ESRRG: variants seen among roughly 807,000 people sequenced by gnomAD.
ESRRG encodes the protein estrogen related receptor gamma.
Under a neutral mutation model 44.0 loss-of-function variants are expected in ESRRG, and 13 were observed. That is an observed-to-expected ratio of 0.30 (90% CI 0.19 to 0.47). The LOEUF (loss-of-function observed/expected upper bound fraction) is 0.47. Ranked by LOEUF, ESRRG falls within the 20% of genes least tolerant of loss-of-function variation. The probability of loss-of-function intolerance (pLI) is 1.00; values close to 1 mark genes in which losing one functional copy is unlikely to be tolerated. For synonymous variants in ESRRG, 215 were observed against 214.6 expected (o/e 1.00, Z -0.02); for missense variants, 395 against 580.6 (o/e 0.68, Z 3.29).
intron 2 of ESRRG, among the ~76,000 whole-genome samples, chr1:216,740,399 G>T (rs1208966444): frequency 1.3e-5 from 2 of 152,002 alleles, no homozygotes; most frequent in African/African-American, 2.4e-5. Flanking sequence ...CTAATTAAAT[G>T]CCCTTACACA....
At chr1:216,981,339 G>A (rs553507218) in intron 1 of ESRRG, among the ~76,000 whole-genome samples, 15 of 152,228 alleles carry the variant, frequency 9.9e-5, no homozygotes, top group African/African-American at 2.9e-4. Context: ...CAAGAGTACC[G>A]GCTTTGGAGT....
intron 2 of ESRRG, among the ~76,000 whole-genome samples, chr1:216,737,971 A>G (rs992596579): frequency 1.3e-5 from 2 of 149,282 alleles, no homozygotes; most frequent in African/African-American, 4.9e-5. Context: ...CCAGACCTTC[A>G]CTAGTTCTGC....
At chr1:216,545,862 G>T (rs1298445349) in intron 5 of ESRRG, among the ~76,000 whole-genome samples, 1 of 151,766 alleles carries the variant, frequency 6.6e-6, no homozygotes, top group African/African-American at 2.4e-5. Context: ...TGTACTGCTC[G>T]GTCACAGAGT....
chr1:216,818,113 A>G (rs1167619614), intron 2 of ESRRG, among the ~76,000 whole-genome samples: 1 of 152,248 alleles, frequency 6.6e-6, no homozygotes, highest in Non-Finnish European at 1.5e-5. Context: ...TAGCATTTTT[A>G]AACAACAAAA....
intron 1 of ESRRG, among the ~76,000 whole-genome samples, chr1:216,700,313 A>G (rs2081146653): frequency 6.6e-6 from 1 of 152,188 alleles, no homozygotes; most frequent in African/African-American, 2.4e-5. Context: ...ATTATCACAC[A>G]TTCAGCAAAT....
chr1:216,729,772 T>C (rs2088337612), intron 2 of ESRRG, among the ~76,000 whole-genome samples: 1 of 152,180 alleles, frequency 6.6e-6, no homozygotes, highest in African/African-American at 2.4e-5. Flanking sequence ...CACATCCCTC[T>C]ACTCTAGCAG....
At position 216,930,375 on chromosome 1, in the gene ESRRG, C is replaced by G. The variant is rs188075057; in HGVS notation, c.-14+9207G>C. On this transcript the variant is annotated intron_variant, in intron 2 of 7. Transcript: ENST00000359162. The stretch of plus-strand genomic sequence containing the variant: ...TCCATTTATTCATCCCCTGAGCATT[C>G]CCCAGCTCACTTCCTTCTGAGGTTT... Among the ~76,000 whole-genome samples the G allele has an allele frequency of 4.6e-5, 7 of 152,282 alleles. No individual in the cohort carries two copies. The East Asian group carries it at 1.4e-3, about 30-fold the overall frequency.
intron 2 of ESRRG, among the ~76,000 whole-genome samples, chr1:216,760,977 C>T (rs187072076): frequency 9.9e-5 from 15 of 152,064 alleles, no homozygotes; most frequent in East Asian, 7.8e-4. Flanking sequence ...GCAAGTCTCT[C>T]GTTTGCTCAG....
Position 216,632,366 on chromosome 1 carries a change from G to A in ESRRG, c.589+18607C>T, listed in dbSNP as rs757600986. On this transcript the variant is annotated intron_variant, in intron 3 of 6. Transcript: ENST00000408911. ...GCTATTCATAAGCAAGAAAACAACC[G>A]TAATTTTCATTCTTCCAATTTCAAG... 2.4e-4 allele frequency among the ~76,000 whole-genome samples: 37 copies of A among 152,036 alleles called. 1 individual carries two copies. The highest frequency in any genetic ancestry group is 2.1e-4 in the South Asian group (1 of 4,828).
At chr1:216,644,650 T>C (rs1295155041) in intron 3 of ESRRG, among the ~76,000 whole-genome samples, 1 of 151,654 alleles carries the variant, frequency 6.6e-6, no homozygotes, top group East Asian at 1.9e-4. Context: ...TTGCCCAGGC[T>C]GGTCTCAAAC....
At chr1:217,105,593 C>A (rs2092582030) in intron 1 of ESRRG, among the ~76,000 whole-genome samples, 1 of 152,172 alleles carries the variant, frequency 6.6e-6, no homozygotes, top group African/African-American at 2.4e-5. Flanking sequence ...GACTCCCTGG[C>A]TGGCTGGAAT....
At position 216,700,191 on chromosome 1, in the gene ESRRG, T is replaced by C. The variant is rs566010323; in HGVS notation, c.57-22700A>G. Reference sequence around the variant, plus strand: ...TATTAAGCGGGGAGTCTTGCAAAGTTGTTGCTTTTAAAGAGGGAAGTCTGA... The same window carrying C: ...TATTAAGCGGGGAGTCTTGCAAAGTCGTTGCTTTTAAAGAGGGAAGTCTGA... On this transcript the variant is annotated intron_variant, in intron 1 of 6. Coordinates refer to ENST00000408911, the MANE Select transcript of ESRRG (RefSeq NM_001438.4). Among the ~76,000 whole-genome samples, 3 of 152,056 alleles carry C rather than the reference T, an allele frequency of 2.0e-5. No individual in the cohort carries two copies. The South Asian group carries it at 6.2e-4, about 32-fold the overall frequency.
intron 1 of ESRRG, among the ~76,000 whole-genome samples, chr1:217,080,959 G>A (rs974542584): frequency 6.6e-6 from 1 of 151,924 alleles, no homozygotes; most frequent in Non-Finnish European, 1.5e-5. Flanking sequence ...TTACAGGCGT[G>A]AGCCACCGCG....
intron 2 of ESRRG, among the ~76,000 whole-genome samples, chr1:216,865,817 C>G (rs1459598367): frequency 6.6e-6 from 1 of 152,166 alleles, no homozygotes; most frequent in East Asian, 1.9e-4. Flanking sequence ...TCTTTGCATT[C>G]TCTATGTGCT....
At chr1:217,060,289 T>A (rs979381505) in intron 1 of ESRRG, among the ~76,000 whole-genome samples, 1 of 152,068 alleles carries the variant, frequency 6.6e-6, no homozygotes, top group African/African-American at 2.4e-5. Flanking sequence ...GAGAAGACAG[T>A]ATAAAGCACA....
intron 2 of ESRRG, among the ~76,000 whole-genome samples, chr1:216,910,399 A>G (rs1578016932): frequency 6.6e-6 from 1 of 152,272 alleles, no homozygotes; most frequent in Middle Eastern, 3.4e-3. Context: ...ATTTTACTAT[A>G]CGCCGCTAAT....
At chr1:217,071,495 A>G (rs1580382414) in intron 1 of ESRRG, among the ~76,000 whole-genome samples, 2 of 152,218 alleles carry the variant, frequency 1.3e-5, no homozygotes, top group Non-Finnish European at 2.9e-5. Flanking sequence ...ATCAATTAAG[A>G]TACTGGTAAA....
chr1:216,589,260 T>C (rs1412739090), intron 3 of ESRRG, among the ~76,000 whole-genome samples: 1 of 152,162 alleles, frequency 6.6e-6, no homozygotes, highest in East Asian at 1.9e-4. Context: ...AACAAGCTTA[T>C]CCGACCCACA....
In ESRRG at chr1:216,693,614, C is replaced by T. The variant is rs548424452; in HGVS notation, c.57-16123G>A. Among the ~76,000 whole-genome samples, 3 of 152,284 alleles carry T rather than the reference C, an allele frequency of 2.0e-5. No homozygotes were observed. The South Asian group carries it at 6.2e-4, about 32-fold the overall frequency. ...ATCATCTCTGGATTATTCGTAATAC[C>T]TAATACAACGTAAATGCTACGTAAA... On this transcript the variant is annotated intron_variant, in intron 1 of 6. Coordinates refer to ENST00000408911, the MANE Select transcript of ESRRG (RefSeq NM_001438.4).
Sources: allele counts gnomAD v4.1 joint callset (sites outside exome capture counted in the v4.1 genomes callset), GRCh38; gene constraint gnomAD v4.1.1; transcripts MANE v1.5; gene names NCBI Gene and HGNC (gene_info 2026-07-23, HGNC 2026-07-21).